TANK: variants seen among roughly 807,000 people sequenced by gnomAD.
TANK encodes the protein TRAF family member associated NFKB activator, also known as TRAF family member-associated NF-kappa-B activator.
A neutral mutation model predicts 43.6 loss-of-function variants in TANK; 15 were observed. The observed-to-expected ratio is 0.34, with a 90% CI of 0.23 to 0.53. The LOEUF (loss-of-function observed/expected upper bound fraction) is 0.53. Ranked by LOEUF, TANK falls within the 20% of genes least tolerant of loss-of-function variation. TANK has a pLI of 0.94. For missense variants in TANK, 417 were observed against 498.6 expected (o/e 0.84, Z 1.56); for synonymous variants, 162 against 178.2 (o/e 0.91, Z 0.73).
intron 2 of TANK, chr2:161,201,350 A>G: frequency 2.4e-6 from 2 of 830,522 alleles, no homozygotes; most frequent in Non-Finnish European, 2.9e-6. Context: ...TAAGCCAGAG[A>G]ATAGAAGATA....
intron 1 of TANK, among the ~76,000 whole-genome samples, chr2:161,154,837 C>T (rs1234760551): frequency 1.3e-5 from 2 of 151,882 alleles, no homozygotes; most frequent in Non-Finnish European, 2.9e-5. Context: ...CTCCGCCTCC[C>T]AGGTGCAAAT....
intron 1 of TANK, among the ~76,000 whole-genome samples, chr2:161,170,409 T>G (rs1272091959): frequency 1.3e-5 from 2 of 152,178 alleles, no homozygotes; most frequent in East Asian, 3.8e-4. Flanking sequence ...TTTGAGAAAG[T>G]CTTCTACCTT....
intron 2 of TANK, among the ~76,000 whole-genome samples, chr2:161,193,886 C>CT (rs970939409): frequency 6.6e-6 from 1 of 152,176 alleles, no homozygotes; most frequent in African/African-American, 2.4e-5. Context: ...TGTTAAAACT[C>CT]TAAGAAAGAA....
At chr2:161,182,099 T>TCAGGTTTA (rs1167175748) in intron 2 of TANK, among the ~76,000 whole-genome samples, 2 of 152,046 alleles carry the variant, frequency 1.3e-5, no homozygotes, top group East Asian at 3.8e-4. Flanking sequence ...TTTTTTCCAT[T>TCAGGTTTA]CAGGTTTAAG....
chr2:161,138,553 C>T (rs975101600), intron 1 of TANK, among the ~76,000 whole-genome samples: 2 of 152,166 alleles, frequency 1.3e-5, no homozygotes, highest in African/African-American at 4.8e-5. Context: ...CTCTTCACTC[C>T]CTCCAGGATA....
intron 7 of TANK, 102 bp downstream of exon 7, chr2:161,231,653 A>G: frequency 9.0e-7 from 1 of 1,106,854 alleles, no homozygotes; most frequent in Non-Finnish European, 1.3e-6. Flanking sequence ...CATCCTTTTT[A>G]AACTACTGAC....
intron 1 of TANK, among the ~76,000 whole-genome samples, chr2:161,179,142 G>T (rs1353520611): frequency 6.6e-6 from 1 of 152,058 alleles, no homozygotes; most frequent in Non-Finnish European, 1.5e-5. Context: ...TAATTGCTCT[G>T]TGGTAACAAC....
At chr2:161,138,978 G>A (rs1259312007) in intron 1 of TANK, among the ~76,000 whole-genome samples, 2 of 152,084 alleles carry the variant, frequency 1.3e-5, no homozygotes, top group African/African-American at 2.4e-5. Flanking sequence ...GTCTTCTTGT[G>A]TGTGTAGTAA....
intron 2 of TANK, among the ~76,000 whole-genome samples, chr2:161,196,592 C>A (rs1254327972): frequency 6.6e-6 from 1 of 152,156 alleles, no homozygotes; most frequent in African/African-American, 2.4e-5. Context: ...CGGTGGCTCA[C>A]ACCTGTAATC....
chr2:161,215,722 T>A (rs1687088313), intron 4 of TANK, among the ~76,000 whole-genome samples: 1 of 152,192 alleles, frequency 6.6e-6, no homozygotes, highest in Non-Finnish European at 1.5e-5. Flanking sequence ...TCTTAGTTCC[T>A]TCTAAGATAC....
At chr2:161,226,889 C>A (rs1687655868) in intron 6 of TANK, among the ~76,000 whole-genome samples, 1 of 152,260 alleles carries the variant, frequency 6.6e-6, no homozygotes, top group African/African-American at 2.4e-5. Flanking sequence ...ACCATGAGGT[C>A]TTTTTCTTTT....
At chr2:161,149,263 A>T (rs1170991224) in intron 1 of TANK, among the ~76,000 whole-genome samples, 1 of 152,130 alleles carries the variant, frequency 6.6e-6, no homozygotes, top group African/African-American at 2.4e-5. Flanking sequence ...TGTAAATAGA[A>T]TTTTCTTAAT....
chr2:161,189,480 A>G lies in TANK; in HGVS notation c.99+9719A>G, dbSNP rs199933324. 7.2e-5 allele frequency among the ~76,000 whole-genome samples: 11 copies of G among 152,314 alleles called. No homozygotes were observed. The East Asian group carries it at 1.7e-3, about 24-fold the overall frequency. On this transcript the variant is annotated intron_variant, in intron 2 of 7. Coordinates refer to ENST00000392749, the MANE Select transcript of TANK (RefSeq NM_001199135.3). ...GTGAAAGACTGAAAGCTTTTTGTCT[A>G]CCATTGAAATAAGTCAAGGATATAC...
At chr2:161,143,059 T>G (rs1196276376) in intron 1 of TANK, among the ~76,000 whole-genome samples, 1 of 152,184 alleles carries the variant, frequency 6.6e-6, no homozygotes, top group Non-Finnish European at 1.5e-5. Context: ...ACTGTATTCC[T>G]AGGTATTTTA....
At chr2:161,146,931 T>C (rs1021500986) in intron 1 of TANK, among the ~76,000 whole-genome samples, 2 of 152,112 alleles carry the variant, frequency 1.3e-5, no homozygotes, top group Non-Finnish European at 2.9e-5. Flanking sequence ...AAGGAAAGAC[T>C]AAGTCTGCTG....
intron 2 of TANK, among the ~76,000 whole-genome samples, chr2:161,186,420 G>A (rs187778079): frequency 7.3e-5 from 11 of 149,954 alleles, no homozygotes; most frequent in Non-Finnish European, 1.0e-4. Context: ...CTCCCTTATT[G>A]TTTTCCTCCT....
chr2:161,168,974 A>C (rs1296988876), intron 1 of TANK, among the ~76,000 whole-genome samples: 1 of 152,260 alleles, frequency 6.6e-6, no homozygotes, highest in Non-Finnish European at 1.5e-5. Context: ...GTTAAGTCAG[A>C]GGGTAAAGAT....
chr2:161,171,939 A>G (rs190207344), intron 1 of TANK, among the ~76,000 whole-genome samples: 1 of 152,292 alleles, frequency 6.6e-6, no homozygotes, highest in Admixed American at 6.5e-5. Context: ...CAGAGGATAG[A>G]TACAAACTGT....
At chr2:161,216,618 C>G (rs1687130128) in intron 4 of TANK, among the ~76,000 whole-genome samples, 1 of 150,634 alleles carries the variant, frequency 6.6e-6, no homozygotes, top group South Asian at 2.1e-4. Flanking sequence ...GTTGGTGAGG[C>G]CCCCAGTTGG....
Sources: allele counts gnomAD v4.1 joint callset (sites outside exome capture counted in the v4.1 genomes callset), GRCh38; gene constraint gnomAD v4.1.1; transcripts MANE v1.5; gene names NCBI Gene and HGNC (gene_info 2026-07-23, HGNC 2026-07-21).